Variants in APC observed in about 807,000 individuals in gnomAD.
The protein encoded by APC is APC regulator of Wnt signaling pathway, also known as adenomatous polyposis coli protein.
APC carries 72 observed loss-of-function variants against 247.0 expected under a neutral mutation model. The ratio of observed to expected loss-of-function variants is 0.29; its 90% CI spans 0.24 to 0.35. The LOEUF (loss-of-function observed/expected upper bound fraction) is 0.35, where lower values mean the gene tolerates loss of function less well. Among genes scored for constraint, APC ranks in the 10% least tolerant of loss-of-function variants. The probability of loss-of-function intolerance (pLI) is 1.00; values close to 1 mark genes in which losing one functional copy is unlikely to be tolerated. For missense variants in APC, 3,400 were observed against 3,360.7 expected (o/e 1.01, Z -0.29); for synonymous variants, 1,254 against 1,162.5 (o/e 1.08, Z -1.60).
At chr5:112,794,515 A>G (rs1165430875) in intron 7 of APC, among the ~76,000 whole-genome samples, 1 of 152,198 alleles carries the variant, frequency 6.6e-6, no homozygotes, top group Non-Finnish European at 1.5e-5. Context: ...CAAGTAAAAG[A>G]CAAAGTCAGT....
intron 8 of APC, among the ~76,000 whole-genome samples, chr5:112,814,201 C>G (rs963617011): frequency 2.0e-5 from 3 of 152,194 alleles, no homozygotes; most frequent in Non-Finnish European, 4.4e-5. Flanking sequence ...ACTATTCTTA[C>G]AGTCATTTCC....
At chr5:112,832,212 A>G (rs1764370319) in intron 14 of APC, among the ~76,000 whole-genome samples, 1 of 152,178 alleles carries the variant, frequency 6.6e-6, no homozygotes, top group South Asian at 2.1e-4. Flanking sequence ...AGCCCCACAG[A>G]GAGGAACTTT....
intron 1 of APC, among the ~76,000 whole-genome samples, chr5:112,750,169 G>A (rs991875462): frequency 1.3e-5 from 2 of 151,706 alleles, no homozygotes; most frequent in Non-Finnish European, 2.9e-5. Context: ...CACCATGTTG[G>A]CCAGACTGGT....
At chr5:112,772,672 G>A (rs113915231) in intron 4 of APC, among the ~76,000 whole-genome samples, 5,447 of 151,980 alleles carry the variant, frequency 0.036, 307 homozygotes, top group African/African-American at 0.12. Flanking sequence ...ATCTGCCACA[G>A]CGCCCAGCTA....
intron 9 of APC, among the ~76,000 whole-genome samples, chr5:112,816,000 A>T (rs1030531292): frequency 1.3e-5 from 2 of 152,204 alleles, no homozygotes; most frequent in African/African-American, 4.8e-5. Context: ...AAAGTGCCAG[A>T]TTAGCTAATT....
At chr5:112,714,902 A>G (rs1232118638) in intron 1 of APC, among the ~76,000 whole-genome samples, 1 of 152,150 alleles carries the variant, frequency 6.6e-6, no homozygotes, top group African/African-American at 2.4e-5. Flanking sequence ...ATAACTGTTT[A>G]TGGAATTAGT....
rs372670324 is a variant in APC, at chr5:112,832,664, G to A, written c.1744-2287G>A. ...CTCCCGCGCTGATTCCCACTTCCCT[G>A]CCTTTCCTCATTCTACTTCCCCTGC... On this transcript the variant is annotated intron_variant, in intron 14 of 15. Coordinates refer to ENST00000257430, the MANE Select transcript of APC (RefSeq NM_000038.6). 8.0e-4 allele frequency among the ~76,000 whole-genome samples: 122 copies of A among 152,170 alleles called. 2 individuals are homozygous for A. In the South Asian group the frequency reaches 0.024, roughly 30 times the overall value.
Position 112,844,062 on chromosome 5 carries a change from C to T in APC, c.8468C>T (p.Thr2823Ile), listed in dbSNP as rs2150005915. 1 of 1,606,988 alleles carries T rather than the reference C, an allele frequency of 6.2e-7. No homozygotes were observed. Among genetic ancestry groups the T allele is most frequent in the Non-Finnish European group, 8.5e-7 (1 of 1,178,318 alleles). The stretch of plus-strand genomic sequence containing the variant: ...AAGCGAGATTCCAAAACTGACAGCA[C>T]AGAATCCAGTGGAACCCAAAGTCCT... ...TKKRDSKTDS[T>I]ESSGTQSPKR... The change falls in exon 16 of 16, where the codon ACA (threonine) becomes ATA (isoleucine). Residue 2823 changes from threonine (T) to isoleucine (I), a missense_variant. Transcript: ENST00000257430.
In APC at chr5:112,742,733, T is replaced by TTCTGTGTGGCCACACA. The variant is rs1338744484; in HGVS notation, c.-19+4808_-19+4809insTCTGTGTGGCCACACA. Among the ~76,000 whole-genome samples, 3 of 152,318 alleles carry TTCTGTGTGGCCACACA rather than the reference T, an allele frequency of 2.0e-5. No homozygotes were observed. The East Asian group carries it at 5.8e-4, about 29-fold the overall frequency. On this transcript the variant is annotated intron_variant, in intron 1 of 15. Coordinates refer to ENST00000257430, the MANE Select transcript of APC (RefSeq NM_000038.6). Reference sequence around the variant, plus strand: ...CCTAGACTCAGAAGCCACACACCATTGCTTCTGCTGTATTCTCTTTATTAG... The same window carrying TTCTGTGTGGCCACACA: ...CCTAGACTCAGAAGCCACACACCATTTCTGTGTGGCCACACAGCTTCTGCTGTATTCTCTTTATTAG...
intron 1 of APC, among the ~76,000 whole-genome samples, chr5:112,725,304 A>AT (rs961275329): frequency 6.6e-6 from 1 of 152,196 alleles, no homozygotes; most frequent in African/African-American, 2.4e-5. Context: ...ACTTACAGCA[A>AT]TTTTTTTAAA....
At position 112,820,224 on chromosome 5, in the gene APC, A is replaced by G. The variant is rs553064033; in HGVS notation, c.1312+880A>G. ...ACACACACACACACACACGTGCACT[A>G]CAAGTAGATGATTCTACTGTATCAG... On this transcript the variant is annotated intron_variant, in intron 10 of 15. Coordinates refer to ENST00000257430, the MANE Select transcript of APC (RefSeq NM_000038.6). 2.0e-5 allele frequency among the ~76,000 whole-genome samples: 3 copies of G among 151,818 alleles called. No individual in the cohort carries two copies. The South Asian group carries it at 6.2e-4, about 32-fold the overall frequency.
intron 4 of APC, among the ~76,000 whole-genome samples, chr5:112,767,702 C>T (rs544398939): frequency 8.2e-4 from 124 of 152,132 alleles, no homozygotes; most frequent in African/African-American, 2.8e-3. Context: ...ATGATCTCGG[C>T]TCACTGCAAC....
At chr5:112,727,534 A>G (rs1016352165) in intron 1 of APC, among the ~76,000 whole-genome samples, 5 of 152,192 alleles carry the variant, frequency 3.3e-5, no homozygotes, top group African/African-American at 1.2e-4. Flanking sequence ...TGTTTTTAAC[A>G]TCAGTATTGA....
At chr5:112,757,874 C>T (rs532102876) in intron 2 of APC, among the ~76,000 whole-genome samples, 81 of 152,152 alleles carry the variant, frequency 5.3e-4, no homozygotes, top group African/African-American at 1.8e-3. Context: ...GAAATGTGAA[C>T]ACTGTATATT....
rs138367627 is a variant in APC at position 112,840,326 on chromosome 5, T to G, written c.4732T>G (p.Cys1578Gly). ...TGATGATATTGAAATACTAGAAGAA[T>G]GTATTATTTCTGCCATGCCAACAAA... Reference protein sequence around the residue: ...DDDDIEILEECIISAMPTKSS... With the variant: ...DDDDIEILEEGIISAMPTKSS... The change falls in exon 16 of 16, where the codon TGT becomes GGT. Residue 1578 changes from cysteine (C) to glycine (G), a missense_variant. Cys to Gly is a radical substitution (Grantham distance 159, BLOSUM62 -3). Transcript: ENST00000257430. This position sits in a 1 kb window ranked among gnomAD's most constrained non-coding sequence, Gnocchi z 4.1. 1 of 1,614,176 alleles carries G rather than the reference T, an allele frequency of 6.2e-7. No homozygotes were observed. The highest frequency in any genetic ancestry group is 8.5e-7 in the Non-Finnish European group (1 of 1,180,022).
rs771428863 is a variant in APC at position 112,792,450 on chromosome 5, G to C, written c.650G>C (p.Arg217Thr). 1.9e-6 allele frequency: 3 copies of C among 1,608,312 alleles called. No individual in the cohort carries two copies. Among genetic ancestry groups the C allele is most frequent in the Non-Finnish European group, 8.5e-7 (1 of 1,176,648 alleles). ...CQDMEKRAQR[R>T]IARIQQIEKD... ...AGGTTTCTTGTTTTATTTTAGCGAAGAATAGCCAGAATTCAGCAAATCGAA... is the reference window on the plus strand; with the variant it reads ...AGGTTTCTTGTTTTATTTTAGCGAACAATAGCCAGAATTCAGCAAATCGAA... Residue 217 changes from arginine (R) to threonine (T), a missense_variant, in exon 7 of 16, where the codon AGA becomes ACA. By Grantham distance (71) the Arg-to-Thr change is moderately conservative (BLOSUM62 -1). Coordinates refer to ENST00000257430, the MANE Select transcript of APC (RefSeq NM_000038.6).
chr5:112,794,625 G>A (rs969550264), intron 7 of APC, among the ~76,000 whole-genome samples: 3 of 152,102 alleles, frequency 2.0e-5, no homozygotes, highest in African/African-American at 7.2e-5. Context: ...CCGTGTGCGT[G>A]TGCTGTGGTA....
intron 1 of APC, among the ~76,000 whole-genome samples, chr5:112,728,098 C>A (rs1354054940): frequency 6.6e-6 from 1 of 151,186 alleles, no homozygotes; most frequent in Non-Finnish European, 1.5e-5. Flanking sequence ...TTTTTTTAAG[C>A]TCATCAGCTG....
chr5:112,715,254 G>T (rs190737540), intron 1 of APC, among the ~76,000 whole-genome samples: 1 of 152,316 alleles, frequency 6.6e-6, no homozygotes, highest in African/African-American at 2.4e-5. Context: ...GCAACATTGA[G>T]TGGGAACAAA....
Sources: gnomAD v4.1 joint callset for allele counts (sites outside exome capture counted in the v4.1 genomes callset) on GRCh38, gnomAD v4.1.1 for gene constraint, Gnocchi (gnomAD v3.1) non-coding constraint, MANE v1.5 for transcripts, NCBI Gene and HGNC (gene_info 2026-07-23, HGNC 2026-07-21) for gene names.